Variants in GTF3C3 observed in about 807,000 individuals in gnomAD.
GTF3C3 encodes general transcription factor IIIC subunit 3, also known as general transcription factor 3C polypeptide 3.
A neutral mutation model predicts 105.2 loss-of-function variants in GTF3C3; 75 were observed. That is an observed-to-expected ratio of 0.71 (90% confidence interval 0.59 to 0.86). GTF3C3 has a LOEUF of 0.86. Among genes scored for constraint, GTF3C3 ranks in the 40% least tolerant of loss-of-function variants. The pLI is 0.00. For missense variants in GTF3C3, 856 were observed against 1,076.5 expected, an observed-to-expected ratio of 0.80 and a Z score of 2.87; for synonymous variants, 335 against 370.4, an observed-to-expected ratio of 0.90 and a Z score of 1.10.
intron 8 of GTF3C3, among the ~76,000 whole-genome samples, chr2:196,783,680 C>T (rs1246845924): frequency 6.6e-6 from 1 of 152,166 alleles, no homozygotes; most frequent in Non-Finnish European, 1.5e-5. Flanking sequence ...TCACACTCCC[C>T]ATGGGTGTCT....
At chr2:196,764,776 A>C (rs898984569) in intron 17 of GTF3C3, 91 bp from the exon 18 acceptor site, 1 of 1,139,878 alleles carries the variant, frequency 8.8e-7, no homozygotes, top group Non-Finnish European at 1.3e-6. Context: ...AAGTGTAAGT[A>C]AGTTTTCAAA....
Position 196,799,647 on chromosome 2 carries a change from G to C in GTF3C3, c.-36C>G. On this transcript the variant is annotated 5_prime_UTR_variant, in exon 1 of 18. Transcript: ENST00000263956. ...TCTGTCTGTGCAACCCCAGGAACCG[G>C]GACAGAGAACCGGAAGAGCAGCGCC... 3 of 1,473,318 alleles carry C rather than the reference G, an allele frequency of 2.0e-6. No homozygotes were observed. The highest frequency in any genetic ancestry group is 2.8e-6 in the Non-Finnish European group (3 of 1,053,244). The allele number at this position is 1,473,318 out of a possible 1,614,324, so 91.3% of individuals were successfully genotyped here. A position where few individuals can be genotyped will look rare whatever the true frequency, so the allele number is the denominator to read the frequency against.
At position 196,776,535 on chromosome 2, in the gene GTF3C3, T is replaced by A; in HGVS notation, c.1485A>T (p.Ser495=). 1 of 1,614,158 alleles carries A rather than the reference T, an allele frequency of 6.2e-7. No homozygotes were observed. The highest frequency in any genetic ancestry group is 8.5e-7 in the Non-Finnish European group (1 of 1,180,000). Residue 495 remains serine, a synonymous_variant, in exon 11 of 18, where the codon TCA becomes TCT. Transcript: ENST00000263956. This position sits in a 1 kb window ranked among gnomAD's most constrained non-coding sequence, Gnocchi z 4.5. ...CCAGCTGCTGCTGAAGGGTAGAAAG[T>A]GAAATCCTTGCATCCAAATGGAGTG... The part of the protein sequence containing the change: ...LAPLHLDARI[S]LSTLQQQLGQ...
intron 1 of GTF3C3, 154 bp downstream of exon 1, chr2:196,799,356 A>T: frequency 1.6e-6 from 1 of 628,480 alleles, no homozygotes; most frequent in East Asian, 2.7e-5. Context: ...CACAGGGATG[A>T]GGGGTGAAAA....
In GTF3C3 at chr2:196,764,625, A is replaced by AGAT. The variant is rs1235732794; in HGVS notation, c.2596_2598dup (p.Ile866dup). The AGAT allele has an allele frequency of 3.7e-6, 6 of 1,612,582 alleles. No homozygotes were observed. The highest frequency in any genetic ancestry group is 8.5e-7 in the Non-Finnish European group (1 of 1,178,712). On this transcript the variant is annotated inframe_insertion, in exon 18 of 18. Coordinates refer to ENST00000263956, the MANE Select transcript of GTF3C3 (RefSeq NM_012086.5). ...ATTCCGGTATTCCCACTGCTCTGAT[A>AGAT]GATGAGAGACAAGTTGTAGGCAATA...
chr2:196,770,898 G>C (rs1699161769), intron 15 of GTF3C3, among the ~76,000 whole-genome samples: 1 of 152,052 alleles, frequency 6.6e-6, no homozygotes, highest in Admixed American at 6.5e-5. Context: ...AAAGAGGAAT[G>C]TTTCAACATC....
chr2:196,771,189 T>C (rs762072861), intron 15 of GTF3C3, among the ~76,000 whole-genome samples: 2 of 152,172 alleles, frequency 1.3e-5, no homozygotes, highest in Non-Finnish European at 2.9e-5. Context: ...AATTCCTTAT[T>C]ATAAATGATT....
At chr2:196,779,381 G>A (rs191504947) in intron 9 of GTF3C3, among the ~76,000 whole-genome samples, 2 of 152,188 alleles carry the variant, frequency 1.3e-5, no homozygotes, top group Non-Finnish European at 2.9e-5. Flanking sequence ...ACCCTCCTCG[G>A]CCTCCCAAAG....
intron 3 of GTF3C3, among the ~76,000 whole-genome samples, chr2:196,792,681 A>T (rs1699570410): frequency 6.6e-6 from 1 of 152,148 alleles, no homozygotes; most frequent in Non-Finnish European, 1.5e-5. Flanking sequence ...TCTGACACCT[A>T]GGCTGAAGTG....
At chr2:196,778,810 A>G (rs1699298107) in intron 10 of GTF3C3, 86 bp downstream of exon 10, 3 of 1,189,730 alleles carry the variant, frequency 2.5e-6, no homozygotes, top group South Asian at 2.5e-5. Context: ...AAACACTTGC[A>G]CTATAATAAT....
At chr2:196,780,430 G>T in intron 9 of GTF3C3, 129 bp downstream of exon 9, 1 of 1,329,690 alleles carries the variant, frequency 7.5e-7, no homozygotes. Flanking sequence ...ATTATTTGAT[G>T]CTTATTGTTA....
At position 196,785,502 on chromosome 2, in the gene GTF3C3, T is replaced by A. The variant is rs563254432; in HGVS notation, c.980A>T (p.Glu327Val). Reference sequence around the variant, plus strand: ...TAGTTCAGCTGCTATGTTAACATCTTCCATGGAGACTAGGCCCTGGTGTTT... The same window carrying A: ...TAGTTCAGCTGCTATGTTAACATCTACCATGGAGACTAGGCCCTGGTGTTT... ...FSKHQGLVSM[E>V]DVNIAAELYI... Residue 327 changes from glutamate (E) to valine (V), a missense_variant, in exon 7 of 18, where the codon GAA becomes GTA. By Grantham distance (121) the Glu-to-Val change is moderately radical. Transcript: ENST00000263956. 1.7e-5 allele frequency: 28 copies of A among 1,609,462 alleles called. No individual in the cohort carries two copies. Among genetic ancestry groups the A allele is most frequent in the Admixed American group, 8.3e-5 (5 of 59,888 alleles).
At position 196,773,025 on chromosome 2, in the gene GTF3C3, C is replaced by A; in HGVS notation, c.1960G>T (p.Glu654Ter). 1 of 1,612,242 alleles carries A rather than the reference C, an allele frequency of 6.2e-7. No homozygotes were observed. Among genetic ancestry groups the A allele is most frequent in the South Asian group, 1.1e-5 (1 of 90,982 alleles). ...EAELLVDSSL[E>*]YYSFYDDRQK... ...CTGTCATCATAAAATGAGTAATATT[C>A]CAATGAGGAATCTACAAGCAACTCA... Residue 654 changes from glutamate (E) to a stop codon, truncating the protein, a stop_gained, in exon 14 of 18, where the codon GAA becomes TAA. Transcript: ENST00000263956. LOFTEE classifies it high-confidence loss of function.
Position 196,766,599 on chromosome 2 carries a change from T to A in GTF3C3, c.2504A>T (p.Gln835Leu). ...AAGTGGAGGGAGCTCCAGGGCCTTCTGATAATAGTGGATTGCAAGATGAAT... is the reference window on the plus strand; with the variant it reads ...AAGTGGAGGGAGCTCCAGGGCCTTCAGATAATAGTGGATTGCAAGATGAAT... ...GLIHLAIHYY[Q>L]KALELPPLVV... is the part of the protein sequence containing the mutation. The change falls in exon 17 of 18, where the codon CAG becomes CTG. Residue 835 changes from glutamine to leucine, a missense_variant. Gln to Leu is a moderately radical substitution (Grantham distance 113, BLOSUM62 -2). Coordinates refer to ENST00000263956, the MANE Select transcript of GTF3C3 (RefSeq NM_012086.5). The A allele has an allele frequency of 6.2e-7, 1 of 1,612,234 alleles. No homozygotes were observed. Among genetic ancestry groups the A allele is most frequent in the South Asian group, 1.1e-5 (1 of 90,828 alleles).
chr2:196,789,004 T>G (rs745444711), intron 6 of GTF3C3, among the ~76,000 whole-genome samples, 200 bp downstream of exon 6: 7 of 152,108 alleles, frequency 4.6e-5, no homozygotes, highest in Non-Finnish European at 7.4e-5. Context: ...AGTTCACGGC[T>G]GCAGTGAACT....
Position 196,789,362 on chromosome 2 carries a change from T to C in GTF3C3, c.735A>G (p.Lys245=). 1 of 1,588,476 alleles carries C rather than the reference T, an allele frequency of 6.3e-7. No individual in the cohort carries two copies. The highest frequency in any genetic ancestry group is 2.2e-5 in the East Asian group (1 of 44,518). The change falls in exon 6 of 18, where the codon AAA becomes AAG. Residue 245 remains lysine, a synonymous_variant. Coordinates refer to ENST00000263956, the MANE Select transcript of GTF3C3 (RefSeq NM_012086.5). Reference sequence around the variant, plus strand: ...GATAACGGACATTAGTAGGTTCATATTTAAGAGCTAAAAAGAAAGAAATAC... The same window carrying C: ...GATAACGGACATTAGTAGGTTCATACTTAAGAGCTAAAAAGAAAGAAATAC... The part of the protein sequence containing the change: ...QAIFCYTKAL[K]YEPTNVRYLW...
chr2:196,763,584 A>G lies in GTF3C3; in HGVS notation c.*979T>C, dbSNP rs962918417. 5 of 152,212 alleles carry G rather than the reference A, an allele frequency of 3.3e-5. No homozygotes were observed. The highest frequency in any genetic ancestry group is 1.2e-4 in the African/African-American group (5 of 41,462). The allele number at this position is 152,212 out of a possible 1,614,324, so 9.4% of individuals were successfully genotyped here. On this transcript the variant is annotated 3_prime_UTR_variant, in exon 18 of 18. Coordinates refer to ENST00000263956, the MANE Select transcript of GTF3C3 (RefSeq NM_012086.5). Reference sequence around the variant, plus strand: ...GTAGAAACAGTGGTAAGAATTTCTAATAAGTCCCAATTTTATTTCTTTGAT... The same window carrying G: ...GTAGAAACAGTGGTAAGAATTTCTAGTAAGTCCCAATTTTATTTCTTTGAT...
intron 16 of GTF3C3, among the ~76,000 whole-genome samples, chr2:196,768,266 G>A (rs1218394078): frequency 2.6e-5 from 4 of 152,040 alleles, no homozygotes; most frequent in African/African-American, 4.8e-5. Flanking sequence ...TGATCCACCC[G>A]CCTCGGCCAC....
intron 9 of GTF3C3, 195 bp downstream of exon 9, chr2:196,780,364 A>AT: frequency 8.2e-7 from 1 of 1,214,950 alleles, no homozygotes; most frequent in Non-Finnish European, 1.1e-6. Context: ...AGAAAAATAA[A>AT]TTACTGTAAG....
Sources: gnomAD v4.1 joint callset for allele counts (sites outside exome capture counted in the v4.1 genomes callset) on GRCh38, gnomAD v4.1.1 for gene constraint, Gnocchi (gnomAD v3.1) non-coding constraint, MANE v1.5 for transcripts, NCBI Gene and HGNC (gene_info 2026-07-23, HGNC 2026-07-21) for gene names.